The following ABCB10 variants were observed in gnomAD, a reference collection of about 807,000 sequenced individuals.
The protein encoded by ABCB10 is ATP-binding cassette sub-family B member 10, mitochondrial.
ABCB10 carries 54 observed loss-of-function variants against 65.4 expected under a neutral mutation model. The observed-to-expected ratio is 0.83, with a 90% CI of 0.66 to 1.04. The LOEUF (loss-of-function observed/expected upper bound fraction) is 1.04. Ranked by LOEUF, ABCB10 falls within the 50% of genes least tolerant of loss-of-function variation. The pLI, the probability that ABCB10 is intolerant of heterozygous loss-of-function variation, is 0.00. For missense variants in ABCB10, 846 were observed against 976.6 expected (o/e 0.87, Z 1.78); for synonymous variants, 418 against 406.5 (o/e 1.03, Z -0.34).
chr1:229,547,801 C>G, intron 2 of ABCB10, 100 bp from the exon 3 acceptor site: 5 of 1,128,258 alleles, frequency 4.4e-6, no homozygotes, highest in Non-Finnish European at 6.6e-6. Context: ...GGAGTTGTAA[C>G]CCTCCTGAGC....
At position 229,517,630 on chromosome 1, in the gene ABCB10, G is replaced by A. The variant is rs551947379; in HGVS notation, c.*549C>T. The stretch of plus-strand genomic sequence containing the variant: ...CACACCTTTGAAGACACAGGAGATG[G>A]GCAATATAAATGTTCCCTTCTTTCC... On this transcript the variant is annotated 3_prime_UTR_variant, in exon 13 of 13. Transcript: ENST00000344517. 2 of 153,120 alleles carry A rather than the reference G, an allele frequency of 1.3e-5. No individual in the cohort carries two copies. The highest frequency in any genetic ancestry group is 2.1e-4 in the South Asian group (1 of 4,862). The allele number at this position is 153,120 out of a possible 1,614,324, so 9.5% of individuals were successfully genotyped here. A position where few individuals can be genotyped will look rare whatever the true frequency, so the allele number is the denominator to read the frequency against.
At chr1:229,527,732 G>C (rs969314179) in intron 8 of ABCB10, among the ~76,000 whole-genome samples, 1 of 152,204 alleles carries the variant, frequency 6.6e-6, no homozygotes, top group Non-Finnish European at 1.5e-5. Context: ...TCTGAAGCTG[G>C]CATTCATGAC....
At chr1:229,534,829 G>A (rs1479075914) in intron 6 of ABCB10, among the ~76,000 whole-genome samples, 48 of 132,906 alleles carry the variant, frequency 3.6e-4, no homozygotes, top group East Asian at 2.3e-4. Flanking sequence ...CCAAGACCGC[G>A]CCACTGCACT....
At chr1:229,519,016 G>A (rs888977508) in intron 11 of ABCB10, 141 bp from the exon 12 acceptor site, 12 of 636,966 alleles carry the variant, frequency 1.9e-5, no homozygotes, top group East Asian at 2.8e-5. Context: ...AAAGAAGCCA[G>A]ACACAAAGAA....
chr1:229,524,680 C>T (rs1662392673), intron 10 of ABCB10, among the ~76,000 whole-genome samples: 2 of 152,298 alleles, frequency 1.3e-5, no homozygotes, highest in Admixed American at 6.5e-5. Context: ...GCTCACTTTG[C>T]CTCACAGCCG....
intron 6 of ABCB10, among the ~76,000 whole-genome samples, chr1:229,534,742 G>A (rs1354173262): frequency 6.6e-6 from 1 of 151,782 alleles, no homozygotes; most frequent in South Asian, 2.1e-4. Flanking sequence ...GCAGTGGCAC[G>A]CACCCGTAGT....
chr1:229,516,884 T>C lies in ABCB10; in HGVS notation c.*1295A>G, dbSNP rs970262059. ...TATTCATTAATTATGAACAATAAAA[T>C]ATAATATTCCATGCTTTTCATGAAA... is the stretch of plus-strand genomic sequence containing the variant. On this transcript the variant is annotated 3_prime_UTR_variant, in exon 13 of 13. Transcript: ENST00000344517. 3 of 152,218 alleles carry C rather than the reference T, an allele frequency of 2.0e-5. No homozygotes were observed. The highest frequency in any genetic ancestry group is 6.5e-5 in the Admixed American group (1 of 15,276). 9.4% of individuals were successfully genotyped at this position (152,218 alleles called of 1,614,324 possible). A position where few individuals can be genotyped will look rare whatever the true frequency, so the allele number is the denominator to read the frequency against.
intron 10 of ABCB10, among the ~76,000 whole-genome samples, chr1:229,524,084 T>A (rs1297129217): frequency 6.6e-6 from 1 of 152,148 alleles, no homozygotes; most frequent in Non-Finnish European, 1.5e-5. Context: ...AGGAAAAGAC[T>A]GTTGTTTTAG....
At chr1:229,556,010 C>G (rs142062403) in intron 1 of ABCB10, among the ~76,000 whole-genome samples, 1 of 151,446 alleles carries the variant, frequency 6.6e-6, no homozygotes. Flanking sequence ...TGTGCCAACC[C>G]TAGGCTTGTT....
intron 10 of ABCB10, among the ~76,000 whole-genome samples, chr1:229,522,007 C>T (rs1306059332): frequency 6.6e-6 from 1 of 151,354 alleles, no homozygotes; most frequent in Non-Finnish European, 1.5e-5. Flanking sequence ...GCTGAGACTA[C>T]AGGTGTGCAC....
intron 6 of ABCB10, among the ~76,000 whole-genome samples, chr1:229,532,183 C>G (rs1662603410): frequency 6.6e-6 from 1 of 152,084 alleles, no homozygotes; most frequent in Non-Finnish European, 1.5e-5. Context: ...AACTCCTGAC[C>G]TTAGGTGATC....
At chr1:229,525,107 G>A (rs904658892) in intron 10 of ABCB10, among the ~76,000 whole-genome samples, 7 of 152,008 alleles carry the variant, frequency 4.6e-5, no homozygotes, top group African/African-American at 1.7e-4. Flanking sequence ...CACCTGCCTC[G>A]GCCTCCCAAA....
intron 6 of ABCB10, among the ~76,000 whole-genome samples, chr1:229,536,865 G>C (rs1483105859): frequency 6.7e-6 from 1 of 150,196 alleles, no homozygotes; most frequent in Non-Finnish European, 1.5e-5. Flanking sequence ...GCTGAGGTGA[G>C]AGGACTGCTT....
intron 1 of ABCB10, among the ~76,000 whole-genome samples, chr1:229,557,046 C>T (rs1276840440): frequency 6.6e-6 from 1 of 152,084 alleles, no homozygotes; most frequent in Non-Finnish European, 1.5e-5. Context: ...CTCTTTACAC[C>T]CGAGTGATAT....
chr1:229,533,973 A>C (rs1194025649), intron 6 of ABCB10, among the ~76,000 whole-genome samples: 1 of 152,240 alleles, frequency 6.6e-6, no homozygotes, highest in East Asian at 1.9e-4. Flanking sequence ...AGACAATGTG[A>C]AAAGAAGAGG....
At chr1:229,520,282 G>A (rs1049218738) in intron 11 of ABCB10, among the ~76,000 whole-genome samples, 5 of 151,798 alleles carry the variant, frequency 3.3e-5, no homozygotes, top group African/African-American at 1.2e-4. Context: ...CCAGCCTGGC[G>A]AACATGGTGA....
chr1:229,529,654 A>G (rs1291196952), intron 8 of ABCB10, among the ~76,000 whole-genome samples: 2 of 139,248 alleles, frequency 1.4e-5, no homozygotes, highest in African/African-American at 5.3e-5. Context: ...TGGGCGACAG[A>G]GCAAGACTGT....
chr1:229,553,764 T>TAA (rs1663173449), intron 1 of ABCB10, among the ~76,000 whole-genome samples: 1 of 151,600 alleles, frequency 6.6e-6, no homozygotes, highest in South Asian at 2.1e-4. Flanking sequence ...AGGCATTCGT[T>TAA]ATCTTAAGTT....
intron 3 of ABCB10, among the ~76,000 whole-genome samples, chr1:229,545,580 A>G (rs1452921227): frequency 2.6e-5 from 4 of 152,252 alleles, no homozygotes; most frequent in Non-Finnish European, 4.4e-5. Context: ...TTGGCAAACT[A>G]TTAAGTATGT....
Sources: gnomAD v4.1 joint callset for allele counts (sites outside exome capture counted in the v4.1 genomes callset) on GRCh38, gnomAD v4.1.1 for gene constraint, MANE v1.5 for transcripts, NCBI Gene and HGNC (gene_info 2026-07-23, HGNC 2026-07-21) for gene names.